MB21D2: variants seen among roughly 807,000 people sequenced by gnomAD.
MB21D2 encodes nucleotidyltransferase MB21D2.
Under a neutral mutation model 33.3 loss-of-function variants are expected in MB21D2, and 9 were observed. That is an observed-to-expected ratio of 0.27 (90% confidence interval 0.16 to 0.47). The LOEUF (loss-of-function observed/expected upper bound fraction) is 0.47, where lower values mean the gene tolerates loss of function less well. MB21D2 is among the 20% of genes least tolerant of loss of function. The probability of loss-of-function intolerance (pLI) is 0.99; values close to 1 mark genes in which losing one functional copy is unlikely to be tolerated. For missense variants in MB21D2, 540 were observed against 624.6 expected, an observed-to-expected ratio of 0.86 and a Z score of 1.44; for synonymous variants, 241 against 236.3, an observed-to-expected ratio of 1.02 and a Z score of -0.18.
chr3:192,912,373 AAG>A (rs10552147), intron 1 of MB21D2, among the ~76,000 whole-genome samples: 5,146 of 152,252 alleles, frequency 0.034, 292 homozygotes, highest in African/African-American at 0.12. Flanking sequence ...GGAAGACAAA[AAG>A]AAATTATCTC....
At chr3:192,905,016 A>G (rs73068315) in intron 1 of MB21D2, among the ~76,000 whole-genome samples, 4 of 152,226 alleles carry the variant, frequency 2.6e-5, no homozygotes, top group African/African-American at 9.6e-5. Flanking sequence ...CAGGCTGTGC[A>G]CACCAAGGGC....
At chr3:192,884,410 A>G (rs1313873320) in intron 1 of MB21D2, among the ~76,000 whole-genome samples, 4 of 152,056 alleles carry the variant, frequency 2.6e-5, no homozygotes, top group Non-Finnish European at 5.9e-5. Context: ...TCTGTCACCC[A>G]GGCTGGAGTG....
At chr3:192,860,562 T>C (rs545335288) in intron 1 of MB21D2, among the ~76,000 whole-genome samples, 2 of 152,322 alleles carry the variant, frequency 1.3e-5, no homozygotes, top group African/African-American at 2.4e-5. Context: ...AGAGAAAATA[T>C]AGTCCACATT....
chr3:192,878,759 T>G (rs1205698640), intron 1 of MB21D2, among the ~76,000 whole-genome samples: 2 of 152,150 alleles, frequency 1.3e-5, no homozygotes, highest in African/African-American at 4.8e-5. Context: ...AGGTCAGGAT[T>G]TCGAGATCAG....
At chr3:192,857,709 G>T (rs1274400913) in intron 1 of MB21D2, among the ~76,000 whole-genome samples, 1 of 152,162 alleles carries the variant, frequency 6.6e-6, no homozygotes, top group Non-Finnish European at 1.5e-5. Flanking sequence ...CTTCCATGCA[G>T]ATAGGGAAGA....
intron 1 of MB21D2, among the ~76,000 whole-genome samples, chr3:192,879,924 C>T (rs1353567571): frequency 6.6e-6 from 1 of 152,112 alleles, no homozygotes; most frequent in African/African-American, 2.4e-5. Context: ...AGGATGAGCT[C>T]ACTCTGAGAA....
intron 1 of MB21D2, among the ~76,000 whole-genome samples, chr3:192,814,153 T>C (rs1711856884): frequency 6.6e-6 from 1 of 152,196 alleles, no homozygotes; most frequent in East Asian, 1.9e-4. Flanking sequence ...TGAAAAATAA[T>C]GATATGTTAA....
At chr3:192,834,806 GTTC>G (rs1337087621) in intron 1 of MB21D2, among the ~76,000 whole-genome samples, 1 of 126,406 alleles carries the variant, frequency 7.9e-6, no homozygotes, top group African/African-American at 3.5e-5. Context: ...TGAGAGGATT[GTTC>G]TTTTTTTTTT....
intron 1 of MB21D2, among the ~76,000 whole-genome samples, chr3:192,902,790 T>C (rs1294192948): frequency 6.6e-6 from 1 of 152,232 alleles, no homozygotes; most frequent in Non-Finnish European, 1.5e-5. Context: ...TTTCAGCCCA[T>C]GCAGCGGCAA....
chr3:192,872,306 G>T (rs1271449268), intron 1 of MB21D2, among the ~76,000 whole-genome samples: 1 of 152,148 alleles, frequency 6.6e-6, no homozygotes, highest in East Asian at 1.9e-4. Context: ...GCCGGGCGCG[G>T]GGGCTCACAA....
intron 1 of MB21D2, among the ~76,000 whole-genome samples, chr3:192,850,198 A>G (rs1432196236): frequency 6.6e-6 from 1 of 152,158 alleles, no homozygotes; most frequent in African/African-American, 2.4e-5. Context: ...GATTACAGGC[A>G]TGAGCCACCG....
chr3:192,852,280 G>A (rs957856046), intron 1 of MB21D2, among the ~76,000 whole-genome samples: 3 of 152,248 alleles, frequency 2.0e-5, no homozygotes, highest in Non-Finnish European at 4.4e-5. Context: ...TTCAATCGAT[G>A]TAATTGCTAC....
intron 1 of MB21D2, among the ~76,000 whole-genome samples, chr3:192,883,777 T>G (rs148151981): frequency 2.5e-4 from 38 of 152,266 alleles, no homozygotes; most frequent in African/African-American, 8.7e-4. Context: ...CAAAGATACA[T>G]AACTATTAAA....
chr3:192,820,140 T>G (rs1712012095), intron 1 of MB21D2, among the ~76,000 whole-genome samples: 1 of 152,110 alleles, frequency 6.6e-6, no homozygotes, highest in African/African-American at 2.4e-5. Context: ...AGATGCGATA[T>G]TAAGAGTGAG....
At chr3:192,813,705 C>T (rs763253884) in intron 1 of MB21D2, among the ~76,000 whole-genome samples, 3 of 152,108 alleles carry the variant, frequency 2.0e-5, no homozygotes, top group Non-Finnish European at 4.4e-5. Context: ...CCTAGTTCTC[C>T]GGCCTAAACC....
intron 1 of MB21D2, among the ~76,000 whole-genome samples, chr3:192,839,641 A>G (rs1712526182): frequency 6.6e-6 from 1 of 152,184 alleles, no homozygotes; most frequent in Admixed American, 6.5e-5. Context: ...TTATTTACCT[A>G]AGTCTAGATC....
chr3:192,827,211 A>T (rs1712195225), intron 1 of MB21D2, among the ~76,000 whole-genome samples: 1 of 152,070 alleles, frequency 6.6e-6, no homozygotes, highest in Admixed American at 6.6e-5. Flanking sequence ...TCTTTCTTAA[A>T]GGGCAAAAAG....
At chr3:192,905,990 C>A (rs12485900) in intron 1 of MB21D2, among the ~76,000 whole-genome samples, 9 of 151,952 alleles carry the variant, frequency 5.9e-5, no homozygotes, top group African/African-American at 2.2e-4. Context: ...TGTGTTAAAA[C>A]AGATACAATA....
intron 1 of MB21D2, among the ~76,000 whole-genome samples, chr3:192,844,218 A>C (rs574950701): frequency 5.1e-4 from 78 of 152,316 alleles, no homozygotes; most frequent in African/African-American, 1.8e-3. Flanking sequence ...GTGATGATGA[A>C]GCCTGGACAC....
Sources: allele counts gnomAD v4.1 joint callset (sites outside exome capture counted in the v4.1 genomes callset), GRCh38; gene constraint gnomAD v4.1.1; transcripts MANE v1.5; gene names NCBI Gene and HGNC (gene_info 2026-07-23, HGNC 2026-07-21).